The following STXBP4 variants were observed in gnomAD, a reference collection of about 807,000 sequenced individuals.
The protein encoded by STXBP4 is syntaxin-binding protein 4.
In STXBP4, 55 loss-of-function variants were observed where a neutral mutation model predicts 76.1. The observed-to-expected ratio is 0.72, with a 90% CI of 0.58 to 0.91. The LOEUF (loss-of-function observed/expected upper bound fraction) is 0.91. Ranked by LOEUF, STXBP4 falls within the 40% of genes least tolerant of loss-of-function variation. STXBP4 has a pLI of 0.00. For missense variants in STXBP4, 618 were observed against 636.9 expected, an observed-to-expected ratio of 0.97 and a Z score of 0.32; for synonymous variants, 201 against 220.2, an observed-to-expected ratio of 0.91 and a Z score of 0.77.
chr17:55,158,791 CT>C (rs1335906821), intron 17 of STXBP4, among the ~76,000 whole-genome samples: 6 of 152,124 alleles, frequency 3.9e-5, no homozygotes, highest in Non-Finnish European at 7.4e-5. Context: ...CATTAAGGAG[CT>C]TTATATGAAA....
At chr17:55,099,525 T>C (rs2079538217) in intron 16 of STXBP4, among the ~76,000 whole-genome samples, 2 of 152,210 alleles carry the variant, frequency 1.3e-5, no homozygotes, top group Admixed American at 1.3e-4. Flanking sequence ...ATGCTAAGTA[T>C]TTGTGTATCT....
rs1224246853 is a variant in STXBP4 at position 55,163,143 on chromosome 17, C to T, written c.*3232C>T. The stretch of plus-strand genomic sequence containing the variant: ...AAGTAGGACCAACTTACATTACCAC[C>T]AATAGTGTATGTGAGCCTTATTTTT... On this transcript the variant is annotated 3_prime_UTR_variant, in exon 18 of 18. Coordinates refer to ENST00000376352, the MANE Select transcript of STXBP4 (RefSeq NM_178509.6). The T allele has an allele frequency of 6.6e-6, 1 of 151,456 alleles. No individual in the cohort carries two copies. Among genetic ancestry groups the T allele is most frequent in the Non-Finnish European group, 1.5e-5 (1 of 67,962 alleles). The allele number at this position is 151,456 out of a possible 1,614,324, so 9.4% of individuals were successfully genotyped here.
Position 55,049,014 on chromosome 17 carries a change from A to G in STXBP4, c.1011+1860A>G, listed in dbSNP as rs189872474. On this transcript the variant is annotated intron_variant, in intron 12 of 17. Coordinates refer to ENST00000376352, the MANE Select transcript of STXBP4 (RefSeq NM_178509.6). ...ATGCACACTGCCTCCAAGTAAAAAG[A>G]TTAAGCAACTTATGAAGGCAATAGA... Among the ~76,000 whole-genome samples the G allele has an allele frequency of 7.4e-3, 1,131 of 152,116 alleles. 6 individuals are homozygous for G. Among genetic ancestry groups the G allele is most frequent in the Non-Finnish European group, 0.014 (931 of 67,846 alleles).
intron 7 of STXBP4, among the ~76,000 whole-genome samples, chr17:55,002,478 T>C (rs1487358836): frequency 6.6e-6 from 1 of 152,190 alleles, no homozygotes; most frequent in Non-Finnish European, 1.5e-5. Flanking sequence ...CTAATTTATA[T>C]GCATGTATTT....
At chr17:55,019,567 TATA>T (rs1228403094) in intron 8 of STXBP4, among the ~76,000 whole-genome samples, 2 of 152,164 alleles carry the variant, frequency 1.3e-5, no homozygotes, top group African/African-American at 4.8e-5. Context: ...GAATTATTAT[TATA>T]ATCTTGTAGC....
chr17:55,128,562 G>A (rs899352915), intron 16 of STXBP4, among the ~76,000 whole-genome samples: 2 of 152,038 alleles, frequency 1.3e-5, no homozygotes, highest in Admixed American at 1.3e-4. Flanking sequence ...AAATATAGTC[G>A]ATAACTGGAC....
chr17:55,110,317 T>C (rs560119716), intron 16 of STXBP4, among the ~76,000 whole-genome samples: 1 of 152,356 alleles, frequency 6.6e-6, no homozygotes, highest in Admixed American at 6.5e-5. Context: ...CTTTGCCATG[T>C]TACATAAAAT....
intron 16 of STXBP4, among the ~76,000 whole-genome samples, chr17:55,105,777 C>A (rs1043053023): frequency 4.6e-5 from 7 of 151,852 alleles, no homozygotes; most frequent in African/African-American, 1.7e-4. Flanking sequence ...CGCACCTGGC[C>A]TCTTAATCCT....
intron 1 of STXBP4, among the ~76,000 whole-genome samples, chr17:54,971,459 A>G (rs2077399722): frequency 6.6e-6 from 1 of 152,180 alleles, no homozygotes; most frequent in Non-Finnish European, 1.5e-5. Flanking sequence ...GGAGTAAATG[A>G]GCTCTTATGT....
Position 55,039,108 on chromosome 17 carries a change from C to T in STXBP4, c.856-4128C>T, listed in dbSNP as rs191200501. 2.3e-4 allele frequency among the ~76,000 whole-genome samples: 35 copies of T among 152,248 alleles called. 1 individual carries two copies. The highest frequency in any genetic ancestry group is 8.4e-4 in the African/African-American group (35 of 41,566). On this transcript the variant is annotated intron_variant, in intron 10 of 17. Transcript: ENST00000376352. The stretch of plus-strand genomic sequence containing the variant: ...ATTAAGATAGGTAAAACTTGGCCTA[C>T]ATATTTTAAGGAAAAGTCATGTGCC...
intron 16 of STXBP4, among the ~76,000 whole-genome samples, chr17:55,116,660 A>G (rs2145074372): frequency 6.7e-6 from 1 of 148,778 alleles, no homozygotes; most frequent in African/African-American, 2.5e-5. Context: ...AATTATATGC[A>G]GTTATAACTG....
At chr17:55,060,417 T>G (rs1473212606) in intron 12 of STXBP4, among the ~76,000 whole-genome samples, 1 of 152,158 alleles carries the variant, frequency 6.6e-6, no homozygotes, top group East Asian at 1.9e-4. Context: ...TTTTAAAAAC[T>G]AGAAATTTAA....
chr17:55,127,149 T>C (rs79939300), intron 16 of STXBP4, among the ~76,000 whole-genome samples: 1,994 of 152,314 alleles, frequency 0.013, 41 homozygotes, highest in South Asian at 0.045. Context: ...ATCTATTCCC[T>C]GCCATCCCTT....
At chr17:55,120,549 T>A (rs1346925228) in intron 16 of STXBP4, among the ~76,000 whole-genome samples, 3 of 152,220 alleles carry the variant, frequency 2.0e-5, no homozygotes, top group African/African-American at 7.2e-5. Context: ...AGCAAGTATC[T>A]TGGACAATTA....
At chr17:55,152,900 T>C (rs145712915) in intron 17 of STXBP4, among the ~76,000 whole-genome samples, 430 of 152,268 alleles carry the variant, frequency 2.8e-3, no homozygotes, top group Non-Finnish European at 5.0e-3. Context: ...TTTAATTAAT[T>C]TTATCTTGTA....
At chr17:54,991,124 C>A in intron 4 of STXBP4, 167 bp downstream of exon 4, 2 of 564,512 alleles carry the variant, frequency 3.5e-6, no homozygotes, top group Non-Finnish European at 5.3e-6. Context: ...GAGCTTTAAA[C>A]TAAGAAATAA....
At chr17:55,186,132 T>G in the STXBP4 span, among the ~76,000 whole-genome samples, 2 of 152,194 alleles carry the variant, frequency 1.3e-5, no homozygotes, top group Non-Finnish European at 2.9e-5. Context: ...CTACAAACCC[T>G]CCACGTGATT....
At chr17:55,112,031 A>G (rs1334002301) in intron 16 of STXBP4, among the ~76,000 whole-genome samples, 2 of 152,064 alleles carry the variant, frequency 1.3e-5, no homozygotes, top group Non-Finnish European at 2.9e-5. Flanking sequence ...TTGTCCCACT[A>G]TAGCCTCCCA....
intron 12 of STXBP4, among the ~76,000 whole-genome samples, chr17:55,054,283 T>G (rs2144791966): frequency 6.6e-6 from 1 of 152,226 alleles, no homozygotes; most frequent in Admixed American, 6.5e-5. Context: ...GGCCAGAAGT[T>G]CAAAACCAGC....
Sources: allele counts gnomAD v4.1 joint callset (sites outside exome capture counted in the v4.1 genomes callset), GRCh38; gene constraint gnomAD v4.1.1; transcripts MANE v1.5; gene names NCBI Gene and HGNC (gene_info 2026-07-23, HGNC 2026-07-21).